The following SORBS2 variants were observed in gnomAD, a reference collection of about 807,000 sequenced individuals.
SORBS2 encodes the protein sorbin and SH3 domain-containing protein 2.
A neutral mutation model predicts 97.7 loss-of-function variants in SORBS2; 46 were observed. The observed-to-expected ratio is 0.47, with a 90% confidence interval of 0.37 to 0.60. The LOEUF (loss-of-function observed/expected upper bound fraction) is 0.60, where lower values mean the gene tolerates loss of function less well. SORBS2 is among the 20% of genes least tolerant of loss of function. The pLI is 0.00. For synonymous variants in SORBS2, 476 were observed against 473.4 expected, an observed-to-expected ratio of 1.01 and a Z score of -0.07; for missense variants, 1,316 against 1,282.3, an observed-to-expected ratio of 1.03 and a Z score of -0.40.
At chr4:185,752,366 C>T (rs1319683156) in intron 2 of SORBS2, among the ~76,000 whole-genome samples, 3 of 152,172 alleles carry the variant, frequency 2.0e-5, no homozygotes, top group African/African-American at 4.8e-5. Flanking sequence ...AGCTCCGCCT[C>T]CCGGGTTCGC....
intron 2 of SORBS2, among the ~76,000 whole-genome samples, chr4:185,710,194 C>T (rs1014380626): frequency 5.9e-4 from 90 of 151,968 alleles, no homozygotes; most frequent in African/African-American, 2.1e-3. Context: ...TTCCCCAAGA[C>T]TGAAGATCCC....
At chr4:185,670,363 T>C (rs1195578532) in intron 4 of SORBS2, among the ~76,000 whole-genome samples, 4 of 152,166 alleles carry the variant, frequency 2.6e-5, no homozygotes, top group African/African-American at 9.6e-5. Flanking sequence ...TCCCAATATA[T>C]GAAAACAGGT....
chr4:185,684,751 T>TA lies in SORBS2; in HGVS notation c.-197-5930dup. The TA allele has an allele frequency of 6.5e-7, 1 of 1,546,162 alleles. No homozygotes were observed. The highest frequency in any genetic ancestry group is 1.2e-5 in the South Asian group (1 of 83,924). On this transcript the variant is annotated intron_variant, in intron 2 of 20. Coordinates refer to the SORBS2 transcript ENST00000284776. The surrounding 1 kb of genome is among the most constrained non-coding windows in gnomAD (Gnocchi z 4.2). ...GACATTGTGTGAGTTAGTGATATTA[T>TA]ACCTGCAGCCAATAGGTTTGGAGAA...
At chr4:185,657,399 A>G (rs776643102), upstream of SORBS2, 4 of 1,514,384 alleles carry the variant, frequency 2.6e-6, no homozygotes, top group East Asian at 9.8e-5. Flanking sequence ...AGCCCCAGAC[A>G]GACGCACACG....
chr4:185,605,677 C>A (rs150711732), intron 12 of SORBS2, among the ~76,000 whole-genome samples: 1 of 151,900 alleles, frequency 6.6e-6, no homozygotes, highest in Admixed American at 6.6e-5. Context: ...CTCCTCCTCC[C>A]GGGTTCAAGT....
intron 2 of SORBS2, among the ~76,000 whole-genome samples, chr4:185,686,723 C>T (rs1408055184): frequency 6.6e-6 from 1 of 152,232 alleles, no homozygotes; most frequent in African/African-American, 2.4e-5. Context: ...TAATTCTGAA[C>T]ATCTCACAAG....
At position 185,856,160 on chromosome 4, in the gene SORBS2, T is replaced by C. The variant is rs80007190; in HGVS notation, c.-337-80794A>G. On this transcript the variant is annotated intron_variant, in intron 1 of 20. Transcript: ENST00000284776. ...TTAGTCCAATGTTCAATTTAAAGCATGCATCTTAACTAGGATGTTCCTAGT... is the reference window on the plus strand; with the variant it reads ...TTAGTCCAATGTTCAATTTAAAGCACGCATCTTAACTAGGATGTTCCTAGT... Among the ~76,000 whole-genome samples the C allele has an allele frequency of 6.2e-3, 945 of 152,324 alleles. 12 individuals carry two copies. The highest frequency in any genetic ancestry group is 0.021 in the African/African-American group (889 of 41,570).
chr4:185,611,604 T>C (rs1046704936), intron 12 of SORBS2, among the ~76,000 whole-genome samples, 176 bp downstream of exon 24: 5 of 152,228 alleles, frequency 3.3e-5, no homozygotes, highest in African/African-American at 1.2e-4. Context: ...CAGCACCTAT[T>C]TGAGAAACAC....
At chr4:185,662,160 T>G in exon 5 of SORBS2, 1 of 1,614,128 alleles carries the variant, frequency 6.2e-7, no homozygotes, top group Non-Finnish European at 8.5e-7. Flanking sequence ...TGGGAGAGAA[T>G]ATGCCGAGGG....
rs116439345 is a variant in SORBS2, at chr4:185,693,877, G to C, written c.-197-15055C>G. 3.7e-3 allele frequency among the ~76,000 whole-genome samples: 568 copies of C among 152,308 alleles called. 2 individuals are homozygous for C. Among genetic ancestry groups the C allele is most frequent in the African/African-American group, 0.013 (546 of 41,564 alleles). The stretch of plus-strand genomic sequence containing the variant: ...GTAAAATAGGATTAACGAGAACAAA[G>C]AAAGGCGCCACAAATCCTTGAGGTT... On this transcript the variant is annotated intron_variant, in intron 2 of 20. Coordinates refer to the SORBS2 transcript ENST00000284776.
chr4:185,687,634 G>A (rs561371081), intron 2 of SORBS2, among the ~76,000 whole-genome samples: 6 of 152,234 alleles, frequency 3.9e-5, no homozygotes, highest in African/African-American at 1.4e-4. Context: ...AAATTACTGA[G>A]ACATTAAAGG....
intron 1 of SORBS2, among the ~76,000 whole-genome samples, chr4:185,836,855 C>A (rs571064983): frequency 9.8e-5 from 15 of 152,332 alleles, no homozygotes; most frequent in African/African-American, 3.4e-4. Flanking sequence ...ACAAAAGGTG[C>A]ATTTTTGCTA....
At chr4:185,737,564 G>A (rs2098695587) in intron 2 of SORBS2, among the ~76,000 whole-genome samples, 1 of 152,170 alleles carries the variant, frequency 6.6e-6, no homozygotes, top group African/African-American at 2.4e-5. Flanking sequence ...CAGCCTGTGA[G>A]ACCCATGAGA....
At chr4:185,766,136 G>T (rs58973669) in intron 2 of SORBS2, among the ~76,000 whole-genome samples, 2 of 152,140 alleles carry the variant, frequency 1.3e-5, no homozygotes, top group Non-Finnish European at 2.9e-5. Flanking sequence ...AGAATGAGGC[G>T]TGGATCCCTT....
chr4:185,690,678 G>A (rs1022962382), intron 2 of SORBS2, 67 bp from the exon 4 acceptor site: 26 of 649,160 alleles, frequency 4.0e-5, no homozygotes, highest in South Asian at 2.8e-4. Context: ...AAAGTGTGTC[G>A]CATTTTTGTT....
Position 185,955,300 on chromosome 4 carries a change from TC to T in SORBS2, c.-338+895del, listed in dbSNP as rs1389797460. ...GTCCCACAGAGGATAATGAACAACTTCCCGGGAAATATTTCCATATGACTAA... is the reference window on the plus strand; with the variant it reads ...GTCCCACAGAGGATAATGAACAACTTCCGGGAAATATTTCCATATGACTAA... On this transcript the variant is annotated intron_variant, in intron 1 of 20. Transcript: ENST00000284776. Among the ~76,000 whole-genome samples the T allele has an allele frequency of 6.6e-5, 10 of 152,230 alleles. No individual in the cohort carries two copies. In the East Asian group the frequency reaches 1.9e-3, roughly 29 times the overall value.
At chr4:185,776,835 G>A (rs1042766556) in intron 1 of SORBS2, among the ~76,000 whole-genome samples, 2 of 151,482 alleles carry the variant, frequency 1.3e-5, no homozygotes, top group African/African-American at 4.9e-5. Context: ...GGGAGGTGGA[G>A]GTTGCGGTGA....
chr4:185,595,724 CCT>C (rs964523085), intron 12 of SORBS2, among the ~76,000 whole-genome samples: 3 of 151,192 alleles, frequency 2.0e-5, no homozygotes, highest in Non-Finnish European at 2.9e-5. Flanking sequence ...CTTAACCATT[CCT>C]CTCTTTTTTT....
chr4:185,741,691 G>A (rs762605784), intron 2 of SORBS2, among the ~76,000 whole-genome samples: 14 of 151,840 alleles, frequency 9.2e-5, no homozygotes, highest in Non-Finnish European at 2.1e-4. Flanking sequence ...ACATACTCCT[G>A]CTCTTGTGGC....
Sources: gnomAD v4.1 joint callset for allele counts (sites outside exome capture counted in the v4.1 genomes callset) on GRCh38, gnomAD v4.1.1 for gene constraint, Gnocchi (gnomAD v3.1) non-coding constraint, MANE v1.5 for transcripts, NCBI Gene and HGNC (gene_info 2026-07-23, HGNC 2026-07-21) for gene names.